C11orf91: variants seen among roughly 807,000 people sequenced by gnomAD.
C11orf91 encodes chromosome 11 open reading frame 91.
Under a neutral mutation model 14.3 loss-of-function variants are expected in C11orf91, and 10 were observed. That is an observed-to-expected ratio of 0.70 (90% CI 0.43 to 1.18). The LOEUF is 1.18. C11orf91 is among the 50% of genes most tolerant of loss of function. The probability of loss-of-function intolerance (pLI) is 0.00; values close to 1 mark genes in which losing one functional copy is unlikely to be tolerated. For synonymous variants in C11orf91, 141 were observed against 130.6 expected (o/e 1.08, Z -0.54); for missense variants, 236 against 269.0 (o/e 0.88, Z 0.86).
upstream of C11orf91, chr11:33,705,412 T>C (rs530378624): frequency 3.3e-5 from 5 of 152,440 alleles, no homozygotes; most frequent in South Asian, 1.0e-3. Context: ...AAGGAATCGG[T>C]AGCCTCTTTG....
Position 33,700,409 on chromosome 11 carries a change from G to A in C11orf91, c.332C>T (p.Ser111Leu). ...AACCACCTCAGGCCCCGGCGGCGGTGAGTAGAAGAAGCGCAGAGGCTCGTA... is the reference window on the plus strand; with the variant it reads ...AACCACCTCAGGCCCCGGCGGCGGTAAGTAGAAGAAGCGCAGAGGCTCGTA... ...IPYEPLRFFY[S>L]PPPGPEVVAS... Residue 111 changes from serine (S) to leucine (L), a missense_variant, in exon 1 of 2, where the codon TCA becomes TTA. Coordinates refer to ENST00000379011, the MANE Select transcript of C11orf91 (RefSeq NM_001166692.2). 6.6e-7 allele frequency: 1 copy of A among 1,526,698 alleles called. No individual in the cohort carries two copies. Among genetic ancestry groups the A allele is most frequent in the South Asian group, 1.2e-5 (1 of 83,376 alleles). The allele number at this position is 1,526,698 out of a possible 1,614,324, so 94.6% of individuals were successfully genotyped here.
chr11:33,701,103 T>G (rs1853119548), upstream of C11orf91, among the ~76,000 whole-genome samples: 1 of 152,258 alleles, frequency 6.6e-6, no homozygotes, highest in African/African-American at 2.4e-5. Flanking sequence ...GGGCCAGGGC[T>G]GCAGAAGAAA....
In C11orf91 at chr11:33,700,328, G is replaced by A. The variant is rs1471676612; in HGVS notation, c.413C>T (p.Pro138Leu). The change falls in exon 1 of 2, where the codon CCG becomes CTG. Residue 138 changes from proline (P) to leucine (L), a missense_variant. Coordinates refer to ENST00000379011, the MANE Select transcript of C11orf91 (RefSeq NM_001166692.2). ...GATCTCCAGCTCGCAGAGCTCCTCC[G>A]GGTGGGAGGCAGAGGCGAGCCTGGG... ...STPRLASASH[P>L]EELCELEIRI... 3.9e-6 allele frequency: 6 copies of A among 1,535,560 alleles called. No homozygotes were observed. Among genetic ancestry groups the A allele is most frequent in the East Asian group, 2.4e-5 (1 of 40,890 alleles).
Position 33,700,407 on chromosome 11 carries a change from G to A in C11orf91, c.334C>T (p.Pro112Ser), listed in dbSNP as rs751976909. ...GCAACCACCTCAGGCCCCGGCGGCGGTGAGTAGAAGAAGCGCAGAGGCTCG... is the reference window on the plus strand; with the variant it reads ...GCAACCACCTCAGGCCCCGGCGGCGATGAGTAGAAGAAGCGCAGAGGCTCG... ...PYEPLRFFYSPPPGPEVVASP... is the reference protein window; with the variant it reads ...PYEPLRFFYSSPPGPEVVASP... Residue 112 changes from proline (P) to serine (S), a missense_variant, in exon 1 of 2, where the codon CCG (proline) becomes TCG (serine). Physicochemically the swap from Pro to Ser is moderately conservative, Grantham distance 74 (BLOSUM62 -1). Coordinates refer to ENST00000379011, the MANE Select transcript of C11orf91 (RefSeq NM_001166692.2). 8.5e-6 allele frequency: 13 copies of A among 1,528,370 alleles called. No individual in the cohort carries two copies. The highest frequency in any genetic ancestry group is 1.4e-5 in the African/African-American group (1 of 72,740). 94.7% of individuals were successfully genotyped at this position (1,528,370 alleles called of 1,614,324 possible). A position where few individuals can be genotyped will look rare whatever the true frequency, so the allele number is the denominator to read the frequency against.
Position 33,700,620 on chromosome 11 carries a change from T to G in C11orf91, c.121A>C (p.Ile41Leu). ...AGCGGCACGAAGAGCTTCTTCCAGA[T>G]GTTGAAGTCGCTGAGCGGGGACGAG... ...ISSSPLSDFN[I>L]WKKLFVPLKA... The change falls in exon 1 of 2, where the codon ATC (isoleucine) becomes CTC (leucine). Residue 41 changes from isoleucine to leucine, a missense_variant. By Grantham distance (5) the Ile-to-Leu change is conservative. Transcript: ENST00000379011. 1.4e-6 allele frequency: 2 copies of G among 1,474,114 alleles called. No individual in the cohort carries two copies. The highest frequency in any genetic ancestry group is 1.8e-6 in the Non-Finnish European group (2 of 1,117,522). 91.3% of individuals were successfully genotyped at this position (1,474,114 alleles called of 1,614,324 possible). A position where few individuals can be genotyped will look rare whatever the true frequency, so the allele number is the denominator to read the frequency against.
Position 33,698,396 on chromosome 11 carries a change from G to C in C11orf91, c.*33C>G, listed in dbSNP as rs761466657. ...CATTATCTAAGCACTAACACCTAAG[G>C]AGGTGGCTGCCCAAGCTCTGGTAGG... is the stretch of plus-strand genomic sequence containing the variant. On this transcript the variant is annotated 3_prime_UTR_variant, in exon 2 of 2. Coordinates refer to ENST00000379011, the MANE Select transcript of C11orf91 (RefSeq NM_001166692.2). 36 of 1,277,346 alleles carry C rather than the reference G, an allele frequency of 2.8e-5. No individual in the cohort carries two copies. Among genetic ancestry groups the C allele is most frequent in the Middle Eastern group, 1.8e-4 (1 of 5,520 alleles). The allele number at this position is 1,277,346 out of a possible 1,614,324, so 79.1% of individuals were successfully genotyped here.
intron 1 of C11orf91, among the ~76,000 whole-genome samples, chr11:33,698,766 T>A (rs905143048): frequency 1.4e-5 from 2 of 147,714 alleles, no homozygotes; most frequent in Non-Finnish European, 3.0e-5. Context: ...GGATTTCTTC[T>A]TCTTCTAATT....
chr11:33,701,994 A>G (rs1853135716), upstream of C11orf91, among the ~76,000 whole-genome samples: 1 of 152,182 alleles, frequency 6.6e-6, no homozygotes, highest in Non-Finnish European at 1.5e-5. Context: ...ACTAAGGGGC[A>G]TGTCTGAAAC....
Position 33,700,818 on chromosome 11 carries a change from A to T in C11orf91, c.-78T>A. 1 of 1,222,400 alleles carries T rather than the reference A, an allele frequency of 8.2e-7. No individual in the cohort carries two copies. Among genetic ancestry groups the T allele is most frequent in the Non-Finnish European group, 1.0e-6 (1 of 973,922 alleles). The allele number at this position is 1,222,400 out of a possible 1,614,324, so 75.7% of individuals were successfully genotyped here. A position where few individuals can be genotyped will look rare whatever the true frequency, so the allele number is the denominator to read the frequency against. ...CAGGCCCCGAGTCGCCGGGGTTTCG[A>T]GGTTCCACAAGCCCCGCCCCGATGG... On this transcript the variant is annotated 5_prime_UTR_variant, in exon 1 of 2. Transcript: ENST00000379011.
rs1413115025 is a variant in C11orf91 at position 33,700,446 on chromosome 11, C to A, written c.295G>T (p.Ala99Ser). Residue 99 changes from alanine (A) to serine (S), a missense_variant, in exon 1 of 2, where the codon GCC (alanine) becomes TCC (serine). Coordinates refer to ENST00000379011, the MANE Select transcript of C11orf91 (RefSeq NM_001166692.2). ...CGCAGAGGCTCGTAGGGGATGGAGGCCAGGCCGGAGGGCCAGGGCGAGGGC... is the reference window on the plus strand; with the variant it reads ...CGCAGAGGCTCGTAGGGGATGGAGGACAGGCCGGAGGGCCAGGGCGAGGGC... ...PWPSPWPSGL[A>S]SIPYEPLRFF... is the part of the protein sequence containing the mutation. 1.3e-6 allele frequency: 2 copies of A among 1,490,374 alleles called. No individual in the cohort carries two copies. The highest frequency in any genetic ancestry group is 2.6e-5 in the East Asian group (1 of 38,798). 92.3% of individuals were successfully genotyped at this position (1,490,374 alleles called of 1,614,324 possible).
chr11:33,700,987 G>T (rs1853116426), upstream of C11orf91, among the ~76,000 whole-genome samples: 1 of 152,058 alleles, frequency 6.6e-6, no homozygotes, highest in Non-Finnish European at 1.5e-5. Context: ...GGCTCGCCTC[G>T]CCTCGCCTCC....
rs370336358 is a variant in C11orf91 at position 33,698,499 on chromosome 11, G to A, written c.512C>T (p.Ala171Val). ...FDSQSYTFLKALKDEKLQGLK... is the reference protein window; with the variant it reads ...FDSQSYTFLKVLKDEKLQGLK... ...TCCTTGTAACTTTTCGTCTTTTAGC[G>A]CCTTCAGGAATGTGTCTGCAGGAGA... is the stretch of plus-strand genomic sequence containing the variant. The change falls in exon 2 of 2, where the codon GCG (alanine) becomes GTG (valine). Residue 171 changes from alanine to valine, a missense_variant. Transcript: ENST00000379011. 2.5e-5 allele frequency: 38 copies of A among 1,537,238 alleles called. No homozygotes were observed. The highest frequency in any genetic ancestry group is 1.5e-4 in the African/African-American group (11 of 73,126).
Position 33,700,808 on chromosome 11 carries a change from C to G in C11orf91, c.-68G>C. 2 of 1,248,386 alleles carry G rather than the reference C, an allele frequency of 1.6e-6. No individual in the cohort carries two copies. The highest frequency in any genetic ancestry group is 2.0e-6 in the Non-Finnish European group (2 of 996,736). 77.3% of individuals were successfully genotyped at this position (1,248,386 alleles called of 1,614,324 possible). A position where few individuals can be genotyped will look rare whatever the true frequency, so the allele number is the denominator to read the frequency against. On this transcript the variant is annotated 5_prime_UTR_variant, in exon 1 of 2. Coordinates refer to ENST00000379011, the MANE Select transcript of C11orf91 (RefSeq NM_001166692.2). The stretch of plus-strand genomic sequence containing the variant: ...GACGCGCGCTCAGGCCCCGAGTCGC[C>G]GGGGTTTCGAGGTTCCACAAGCCCC...
upstream of C11orf91, among the ~76,000 whole-genome samples, chr11:33,701,754 A>AGTGTGTGT (rs35903408): frequency 0.017 from 2,517 of 149,006 alleles, 27 homozygotes; most frequent in Middle Eastern, 0.061. Flanking sequence ...CACAGTGCAA[A>AGTGTGTGT]GTGTGTGTGT....
At chr11:33,703,221 T>C (rs1853167530), upstream of C11orf91, 1 of 152,128 alleles carries the variant, frequency 6.6e-6, no homozygotes, top group Non-Finnish European at 1.5e-5. Flanking sequence ...ACAAACTTGG[T>C]TTCTCTAACA....
upstream of C11orf91, among the ~76,000 whole-genome samples, chr11:33,701,349 T>C (rs1283102876): frequency 6.6e-6 from 1 of 152,220 alleles, no homozygotes; most frequent in African/African-American, 2.4e-5. Context: ...ACGTTAGCAG[T>C]GTTGAGGAAG....
Position 33,698,468 on chromosome 11 carries a change from C to G in C11orf91, c.543G>C (p.Lys181Asn). 5.9e-6 allele frequency: 9 copies of G among 1,537,604 alleles called. No individual in the cohort carries two copies. The highest frequency in any genetic ancestry group is 7.8e-6 in the Non-Finnish European group (9 of 1,146,952). The part of the protein sequence containing the change: ...ALKDEKLQGL[K>N]TKQPGKKSAS... ...CCGACTTCTTTCCAGGTTGCTTGGT[C>G]TTCAGTCCTTGTAACTTTTCGTCTT... The change falls in exon 2 of 2, where the codon AAG becomes AAC. Residue 181 changes from lysine (K) to asparagine (N), a missense_variant. Transcript: ENST00000379011.
chr11:33,703,811 C>T (rs376030631), upstream of C11orf91: 12 of 152,256 alleles, frequency 7.9e-5, no homozygotes, highest in African/African-American at 1.4e-4. Flanking sequence ...AAGGGTCACA[C>T]TGAAGAAATG....
upstream of C11orf91, chr11:33,704,446 G>T (rs60513302): frequency 6.6e-6 from 1 of 151,904 alleles, no homozygotes; most frequent in Non-Finnish European, 1.5e-5. Context: ...TGCAGCAGGG[G>T]GTCCATCCTA....
Sources: allele counts gnomAD v4.1 joint callset (sites outside exome capture counted in the v4.1 genomes callset), GRCh38; gene constraint gnomAD v4.1.1; transcripts MANE v1.5; gene names NCBI Gene and HGNC (gene_info 2026-07-23, HGNC 2026-07-21).